TSNAXIP1: variants seen among roughly 807,000 people sequenced by gnomAD.
TSNAXIP1 encodes the protein translin-associated factor X-interacting protein 1.
A neutral mutation model predicts 84.8 loss-of-function variants in TSNAXIP1; 89 were observed. The ratio of observed to expected loss-of-function variants is 1.05; its 90% CI spans 0.88 to 1.25. TSNAXIP1 has a LOEUF of 1.25. TSNAXIP1 is among the 50% of genes most tolerant of loss of function. TSNAXIP1 has a pLI of 0.00. For missense variants in TSNAXIP1, 874 were observed against 887.6 expected, an observed-to-expected ratio of 0.98 and a Z score of 0.20; for synonymous variants, 347 against 335.2, an observed-to-expected ratio of 1.04 and a Z score of -0.39.
rs2057510215 is a variant in TSNAXIP1, at chr16:67,827,063, A to C, written c.1655A>C (p.Glu552Ala). 1 of 1,613,864 alleles carries C rather than the reference A, an allele frequency of 6.2e-7. No homozygotes were observed. The highest frequency in any genetic ancestry group is 1.1e-5 in the South Asian group (1 of 91,080). ...DSQNEGLLTM[E>A]QFNTVLKSTF... is the part of the protein sequence containing the mutation. ...CAGAACGAGGGGCTACTAACCATGG[A>C]GCAGTTCAAGTGAGAGGCCAGTCCA... The change falls in exon 13 of 16, where the codon GAG becomes GCG. Residue 552 changes from glutamate to alanine, a missense_variant. Coordinates refer to ENST00000561639, the MANE Select transcript of TSNAXIP1 (RefSeq NM_001288990.3).
At chr16:67,819,645 CTTTTTT>C (rs886107623) in intron 2 of TSNAXIP1, among the ~76,000 whole-genome samples, 1 of 132,486 alleles carries the variant, frequency 7.5e-6, no homozygotes, top group South Asian at 2.4e-4. Flanking sequence ...TGCTTTCCCT[CTTTTTT>C]TTTTTTTTTT....
intron 15 of TSNAXIP1, 66 bp downstream of exon 15, chr16:67,827,645 T>G: frequency 6.2e-7 from 1 of 1,610,780 alleles, no homozygotes; most frequent in Non-Finnish European, 8.5e-7. Flanking sequence ...GGTCTCCCTG[T>G]GCACCATGCA....
chr16:67,822,297 A>G (rs2151246560), intron 4 of TSNAXIP1, among the ~76,000 whole-genome samples: 1 of 151,086 alleles, frequency 6.6e-6, no homozygotes, highest in African/African-American at 2.4e-5. Context: ...AAAAAAAAAA[A>G]GAAAACGCCA....
chr16:67,807,597 T>A (rs2055568854), intron 1 of TSNAXIP1: 1 of 345,862 alleles, frequency 2.9e-6, no homozygotes, highest in Non-Finnish European at 5.6e-6. Flanking sequence ...CCCGAGTAGC[T>A]GGGACTACAG....
At chr16:67,827,622 C>G in intron 15 of TSNAXIP1, 43 bp downstream of exon 15, 1 of 1,612,422 alleles carries the variant, frequency 6.2e-7, no homozygotes, top group South Asian at 1.1e-5. Context: ...AGGCTGGGCC[C>G]CTGAAGCCCC....
chr16:67,814,924 A>G (rs1285165428), intron 2 of TSNAXIP1, among the ~76,000 whole-genome samples: 1 of 152,100 alleles, frequency 6.6e-6, no homozygotes, highest in African/African-American at 2.4e-5. Flanking sequence ...CGTCTCTACC[A>G]TGTTCACTCC....
chr16:67,820,505 G>C (rs1485540807), intron 2 of TSNAXIP1, among the ~76,000 whole-genome samples: 1 of 152,038 alleles, frequency 6.6e-6, no homozygotes, highest in African/African-American at 2.4e-5. Flanking sequence ...CCAGCACTTT[G>C]GGAGGCCAAA....
chr16:67,827,009 T>G lies in TSNAXIP1; in HGVS notation c.1601T>G (p.Leu534Arg), dbSNP rs558472976. Residue 534 changes from leucine (L) to arginine (R), a missense_variant, in exon 13 of 16, where the codon CTG (leucine) becomes CGG (arginine). Leu to Arg is a moderately radical substitution (Grantham distance 102). Coordinates refer to ENST00000561639, the MANE Select transcript of TSNAXIP1 (RefSeq NM_001288990.3). Reference sequence around the variant, plus strand: ...ACCCAGAAGGAGACAGTAGCCCAGCTGCTGAAGGAGATGACAAATGCTGAC... The same window carrying G: ...ACCCAGAAGGAGACAGTAGCCCAGCGGCTGAAGGAGATGACAAATGCTGAC... Reference protein sequence around the residue: ...YVTQKETVAQLLKEMTNADSQ... With the variant: ...YVTQKETVAQRLKEMTNADSQ... 17 of 1,614,196 alleles carry G rather than the reference T, an allele frequency of 1.1e-5. No individual in the cohort carries two copies. The highest frequency in any genetic ancestry group is 1.4e-5 in the Non-Finnish European group (16 of 1,180,038).
At chr16:67,819,389 G>T (rs186229957) in intron 2 of TSNAXIP1, among the ~76,000 whole-genome samples, 1,768 of 149,022 alleles carry the variant, frequency 0.012, 37 homozygotes, top group African/African-American at 0.041. Flanking sequence ...GAATACAGGC[G>T]TGTGCCACCA....
chr16:67,812,301 G>A (rs1413835501), intron 1 of TSNAXIP1, among the ~76,000 whole-genome samples: 2 of 151,958 alleles, frequency 1.3e-5, no homozygotes, highest in South Asian at 4.1e-4. Context: ...CTGTTCTACT[G>A]TCATAATGAA....
chr16:67,807,289 G>A (rs1761438968), intron 1 of TSNAXIP1, 93 bp downstream of exon 1: 1 of 1,534,936 alleles, frequency 6.5e-7, no homozygotes, highest in Admixed American at 2.0e-5. Flanking sequence ...ACCTCCTGCT[G>A]GCCTCTGACC....
At position 67,821,094 on chromosome 16, in the gene TSNAXIP1, T is replaced by C; in HGVS notation, c.261-5T>C. ...TGGCCACATATCAGCCACTGTCCCC[T>C]GCAGGAGCTGCCAGCAGCACCCCTT... On this transcript the variant is annotated splice_polypyrimidine_tract_variant and splice_region_variant and intron_variant, in intron 3 of 15. Transcript: ENST00000561639. The C allele has an allele frequency of 6.2e-7, 1 of 1,613,248 alleles. No individual in the cohort carries two copies. Among genetic ancestry groups the C allele is most frequent in the Non-Finnish European group, 8.5e-7 (1 of 1,179,772 alleles).
chr16:67,814,206 G>A (rs1216085182), intron 1 of TSNAXIP1, 96 bp from the exon 2 acceptor site: 1 of 1,003,986 alleles, frequency 1.0e-6, no homozygotes, highest in East Asian at 2.6e-5. Context: ...GCCTGGCTCA[G>A]GGAGACGGCT....
chr16:67,825,612 G>T, intron 7 of TSNAXIP1, 55 bp from the exon 8 acceptor site: 1 of 1,566,876 alleles, frequency 6.4e-7, no homozygotes, highest in Non-Finnish European at 8.7e-7. Flanking sequence ...AGGGCTTCAG[G>T]CAACCCCTGA....
chr16:67,818,780 T>G (rs1274690738), intron 2 of TSNAXIP1, among the ~76,000 whole-genome samples: 1 of 151,060 alleles, frequency 6.6e-6, no homozygotes, highest in Non-Finnish European at 1.5e-5. Flanking sequence ...GTCTGCTCAC[T>G]GTGGCCTCTG....
chr16:67,807,348 G>GT, intron 1 of TSNAXIP1, 152 bp downstream of exon 1: 3 of 1,533,820 alleles, frequency 2.0e-6, no homozygotes, highest in Non-Finnish European at 2.6e-6. Flanking sequence ...GAATCGGGCT[G>GT]ATTTAGCCCA....
At chr16:67,822,670 C>T (rs2057155167) in intron 4 of TSNAXIP1, among the ~76,000 whole-genome samples, 1 of 152,112 alleles carries the variant, frequency 6.6e-6, no homozygotes, top group African/African-American at 2.4e-5. Context: ...GACAGAGAAT[C>T]CCTGCCTTTT....
chr16:67,817,310 C>T (rs2056649984), intron 2 of TSNAXIP1, among the ~76,000 whole-genome samples: 1 of 144,030 alleles, frequency 6.9e-6, no homozygotes, highest in African/African-American at 2.7e-5. Flanking sequence ...CCACCGCGCC[C>T]GGCTATTTTT....
intron 1 of TSNAXIP1, among the ~76,000 whole-genome samples, chr16:67,813,276 A>G (rs1343386446): frequency 2.6e-5 from 4 of 151,518 alleles, no homozygotes; most frequent in African/African-American, 9.7e-5. Flanking sequence ...AGTCCCAGCT[A>G]CTCAGGAAGC....
Sources: gnomAD v4.1 joint callset for allele counts (sites outside exome capture counted in the v4.1 genomes callset) on GRCh38, gnomAD v4.1.1 for gene constraint, MANE v1.5 for transcripts, NCBI Gene and HGNC (gene_info 2026-07-23, HGNC 2026-07-21) for gene names.